DPP6: variants seen among roughly 807,000 people sequenced by gnomAD.
DPP6 encodes dipeptidyl peptidase like 6, also known as A-type potassium channel modulatory protein DPP6.
In DPP6, 69 loss-of-function variants were observed where a neutral mutation model predicts 122.6. The observed-to-expected ratio is 0.56, with a 90% CI of 0.46 to 0.69. The LOEUF is 0.69. Ranked by LOEUF, DPP6 falls within the 30% of genes least tolerant of loss-of-function variation. The pLI, the probability that DPP6 is intolerant of heterozygous loss-of-function variation, is 0.00. For synonymous variants in DPP6, 418 were observed against 433.1 expected (o/e 0.97, Z 0.43); for missense variants, 928 against 1,116.9 (o/e 0.83, Z 2.41).
intron 1 of DPP6, among the ~76,000 whole-genome samples, chr7:154,304,828 GA>G (rs1279587928): frequency 1.3e-5 from 2 of 152,232 alleles, no homozygotes; most frequent in African/African-American, 4.8e-5. Context: ...TTTGCACCAA[GA>G]AAAAACAAAG....
chr7:154,794,244 C>T, intron 11 of DPP6, 42 bp downstream of exon 11: 1 of 1,547,634 alleles, frequency 6.5e-7, no homozygotes, highest in Admixed American at 1.8e-5. Context: ...GGGTGAAGAA[C>T]CGATGGTCAG....
intron 3 of DPP6, among the ~76,000 whole-genome samples, chr7:154,480,257 C>T (rs1249448921): frequency 2.0e-5 from 3 of 152,188 alleles, no homozygotes; most frequent in Non-Finnish European, 1.5e-5. Flanking sequence ...GCCTGGCTTC[C>T]CTGTTCCCCT....
intron 1 of DPP6, among the ~76,000 whole-genome samples, chr7:154,386,902 C>T (rs957043263): frequency 8.6e-5 from 13 of 151,044 alleles, no homozygotes; most frequent in Non-Finnish European, 1.8e-4. Flanking sequence ...CTGTGGATGA[C>T]GGAAATAGTA....
In DPP6 at chr7:154,577,786, G is replaced by A. The variant is rs997983270; in HGVS notation, c.627+10870G>A. 2.0e-3 allele frequency among the ~76,000 whole-genome samples: 308 copies of A among 152,302 alleles called. 3 individuals carry two copies. Among genetic ancestry groups the A allele is most frequent in the African/African-American group, 6.9e-3 (285 of 41,576 alleles). On this transcript the variant is annotated intron_variant, in intron 5 of 25. Transcript: ENST00000377770. ...GAAGGACTGGTTCTTCAATTCCGAC[G>A]TAGCTGGCCATTATCGTAGCTCATT...
rs71182894 is a variant in DPP6, at chr7:154,320,001, A to AATATATAT, written c.244-126190_244-126183dup. 4.0e-3 allele frequency among the ~76,000 whole-genome samples: 562 copies of AATATATAT among 139,262 alleles called. 3 individuals carry two copies. Among genetic ancestry groups the AATATATAT allele is most frequent in the Non-Finnish European group, 5.4e-3 (358 of 65,792 alleles). The allele number at this position is 139,262 out of a possible 152,430, so 91.4% of individuals were successfully genotyped here. ...GCAAGACTCTGTCTCAAATATTTCA[A>AATATATAT]ATATATATATATATATATATATATA... On this transcript the variant is annotated intron_variant, in intron 1 of 25. Transcript: ENST00000377770.
At chr7:154,774,597 G>A (rs1157234087) in intron 10 of DPP6, among the ~76,000 whole-genome samples, 2 of 152,208 alleles carry the variant, frequency 1.3e-5, no homozygotes, top group South Asian at 4.1e-4. Flanking sequence ...TAAGCTCAAT[G>A]CAATAATGCA....
chr7:154,222,615 A>G (rs982549783), intron 1 of DPP6, among the ~76,000 whole-genome samples: 3 of 149,398 alleles, frequency 2.0e-5, no homozygotes, highest in East Asian at 3.9e-4. Flanking sequence ...AGATCACACC[A>G]TTGTACTCCA....
chr7:154,052,080 C>T (rs935625697), upstream of DPP6, among the ~76,000 whole-genome samples: 49 of 149,098 alleles, frequency 3.3e-4, no homozygotes, highest in Non-Finnish European at 3.4e-4. This position sits in a 1 kb window ranked among gnomAD's most constrained non-coding sequence, Gnocchi z 4.8. Context: ...CCTCGACCTC[C>T]GCATCCCCTT....
At chr7:153,971,293 G>C (rs1202139897) in intron 1 of DPP6, among the ~76,000 whole-genome samples, 1 of 151,748 alleles carries the variant, frequency 6.6e-6, no homozygotes, top group African/African-American at 2.4e-5. Context: ...CTACAAATTT[G>C]CTGAACTGTT....
At chr7:154,493,223 C>T (rs1824439930) in intron 3 of DPP6, among the ~76,000 whole-genome samples, 1 of 152,156 alleles carries the variant, frequency 6.6e-6, no homozygotes. Flanking sequence ...CTTCGTTAAG[C>T]CTCCTTGGTG....
At chr7:154,032,731 G>T (rs1051843140) in intron 1 of DPP6, among the ~76,000 whole-genome samples, 16 of 151,976 alleles carry the variant, frequency 1.1e-4, no homozygotes, top group Non-Finnish European at 1.6e-4. Flanking sequence ...TGTTCTAGGA[G>T]TTCATTTTTT....
intron 1 of DPP6, chr7:154,092,723 T>C (rs1329934080): frequency 2.6e-5 from 4 of 152,148 alleles, no homozygotes; most frequent in African/African-American, 7.2e-5. Context: ...TAGGTTGCTC[T>C]ATTTCCTTTG....
chr7:154,651,939 C>A (rs1230236137), intron 6 of DPP6, among the ~76,000 whole-genome samples: 1 of 152,136 alleles, frequency 6.6e-6, no homozygotes, highest in Non-Finnish European at 1.5e-5. Context: ...GATTTCAGGC[C>A]TTTTTCTAAT....
intron 1 of DPP6, among the ~76,000 whole-genome samples, chr7:154,349,149 T>TTTGTTG (rs565147500): frequency 6.6e-6 from 1 of 152,090 alleles, no homozygotes; most frequent in Non-Finnish European, 1.5e-5. Context: ...ATAGTTAATT[T>TTTGTTG]TTGTTGTTGT....
intron 22 of DPP6, among the ~76,000 whole-genome samples, chr7:154,886,610 C>T (rs1463855390): frequency 6.6e-6 from 1 of 152,198 alleles, no homozygotes; most frequent in Non-Finnish European, 1.5e-5. Context: ...AGGCTGTTCC[C>T]TCCAGCTGTC....
the DPP6 span, among the ~76,000 whole-genome samples, chr7:153,778,290 G>T: frequency 6.6e-6 from 1 of 151,842 alleles, no homozygotes; most frequent in African/African-American, 2.4e-5. Flanking sequence ...TGGTATCCGT[G>T]TGAACTCATG....
At chr7:154,405,625 T>C (rs286836) in intron 1 of DPP6, among the ~76,000 whole-genome samples, 22,483 of 151,774 alleles carry the variant, frequency 0.15, 1,705 homozygotes, top group South Asian at 0.18. Flanking sequence ...CCCAGTGCAG[T>C]GGCTGAACAG....
At chr7:154,668,174 G>T (rs895374253) in intron 6 of DPP6, among the ~76,000 whole-genome samples, 2 of 63,904 alleles carry the variant, frequency 3.1e-5, no homozygotes, top group African/African-American at 8.3e-5. Flanking sequence ...ATGAGTGGGT[G>T]CATTCCCAGC....
chr7:154,623,593 A>G (rs886857030), intron 5 of DPP6, among the ~76,000 whole-genome samples: 4 of 143,604 alleles, frequency 2.8e-5, no homozygotes, highest in African/African-American at 7.9e-5. Context: ...ACACGCGCAC[A>G]CACACGCTGA....
Sources: gnomAD v4.1 joint callset for allele counts (sites outside exome capture counted in the v4.1 genomes callset) on GRCh38, gnomAD v4.1.1 for gene constraint, Gnocchi (gnomAD v3.1) non-coding constraint, MANE v1.5 for transcripts, NCBI Gene and HGNC (gene_info 2026-07-23, HGNC 2026-07-21) for gene names.